Variants in RALGAPA2 observed in about 807,000 individuals in gnomAD.
RALGAPA2 encodes Ral GTPase activating protein catalytic subunit alpha 2.
RALGAPA2 carries 139 observed loss-of-function variants against 230.4 expected under a neutral mutation model. That is an observed-to-expected ratio of 0.60 (90% CI 0.53 to 0.69). RALGAPA2 has a LOEUF of 0.69. RALGAPA2 is among the 30% of genes least tolerant of loss of function. The probability of loss-of-function intolerance (pLI) is 0.00; values close to 1 mark genes in which losing one functional copy is unlikely to be tolerated. For synonymous variants in RALGAPA2, 847 were observed against 837.8 expected (o/e 1.01, Z -0.19); for missense variants, 2,163 against 2,276.0 (o/e 0.95, Z 1.01).
intron 23 of RALGAPA2, among the ~76,000 whole-genome samples, chr20:20,548,872 G>C (rs879509547): frequency 2.6e-4 from 40 of 152,188 alleles, no homozygotes; most frequent in Admixed American, 2.6e-3. Flanking sequence ...CAAGCTATCC[G>C]GCAGCAGATG....
intron 1 of RALGAPA2, among the ~76,000 whole-genome samples, chr20:20,687,259 G>A (rs1167866940): frequency 5.3e-5 from 8 of 152,188 alleles, no homozygotes; most frequent in African/African-American, 1.7e-4. Flanking sequence ...TCAGACACAA[G>A]ACAGAAAATG....
intron 34 of RALGAPA2, among the ~76,000 whole-genome samples, chr20:20,504,331 G>C (rs1225077501): frequency 2.0e-5 from 3 of 152,184 alleles, no homozygotes. Flanking sequence ...ATGTCGTTTT[G>C]ACTCTGATGT....
chr20:20,473,080 C>T (rs2061575408), intron 36 of RALGAPA2, 124 bp from the exon 37 acceptor site: 1 of 1,030,300 alleles, frequency 9.7e-7, no homozygotes, highest in South Asian at 1.8e-5. Context: ...AGAGCAGACG[C>T]TGACCTTAAC....
chr20:20,643,756 A>G (rs2067117270), intron 4 of RALGAPA2, among the ~76,000 whole-genome samples: 1 of 152,254 alleles, frequency 6.6e-6, no homozygotes, highest in African/African-American at 2.4e-5. Flanking sequence ...GAATTCTTTT[A>G]AAACAGTCAA....
At chr20:20,598,647 A>T (rs1210430307) in intron 16 of RALGAPA2, 10 of 436,536 alleles carry the variant, frequency 2.3e-5, no homozygotes, top group Non-Finnish European at 4.2e-5. Context: ...GCCCAGGAAC[A>T]GTGATGGACA....
intron 36 of RALGAPA2, among the ~76,000 whole-genome samples, chr20:20,491,257 G>A (rs777243556): frequency 1.1e-4 from 17 of 151,964 alleles, no homozygotes; most frequent in African/African-American, 4.1e-4. Context: ...CTCCATGCTC[G>A]TATGTACCAG....
intron 20 of RALGAPA2, among the ~76,000 whole-genome samples, chr20:20,581,484 CA>C (rs1175203443): frequency 1.3e-5 from 2 of 152,126 alleles, no homozygotes; most frequent in Non-Finnish European, 2.9e-5. Context: ...CACGTTGAGT[CA>C]AAACATTTTG....
intron 37 of RALGAPA2, among the ~76,000 whole-genome samples, chr20:20,444,369 C>T (rs548421173): frequency 2.1e-4 from 32 of 152,326 alleles, no homozygotes; most frequent in Admixed American, 1.4e-3. Flanking sequence ...GACTCTCCTA[C>T]ACCCTAGCAC....
intron 1 of RALGAPA2, among the ~76,000 whole-genome samples, chr20:20,685,574 G>C (rs562729111): frequency 1.3e-5 from 2 of 152,276 alleles, no homozygotes; most frequent in Admixed American, 1.3e-4. Context: ...CAGAACCCCT[G>C]CTCTGGTCCT....
chr20:20,462,347 T>C (rs1239371573), intron 37 of RALGAPA2, among the ~76,000 whole-genome samples: 1 of 152,202 alleles, frequency 6.6e-6, no homozygotes, highest in Non-Finnish European at 1.5e-5. Context: ...GTTAAAGCCA[T>C]GTGCAAAACA....
At chr20:20,466,919 G>A (rs2061432291) in intron 37 of RALGAPA2, among the ~76,000 whole-genome samples, 2 of 152,192 alleles carry the variant, frequency 1.3e-5, no homozygotes, top group Admixed American at 1.3e-4. Context: ...CTCATCTGTT[G>A]AGATAATCCT....
At chr20:20,633,023 C>T (rs1206827937) in intron 9 of RALGAPA2, among the ~76,000 whole-genome samples, 6 of 150,388 alleles carry the variant, frequency 4.0e-5, no homozygotes, top group Admixed American at 6.6e-5. Flanking sequence ...CTCTCTCTCT[C>T]TCTTTCTTTC....
At chr20:20,435,758 CGA>C (rs1210239110) in intron 37 of RALGAPA2, among the ~76,000 whole-genome samples, 2 of 152,162 alleles carry the variant, frequency 1.3e-5, no homozygotes, top group East Asian at 3.9e-4. Flanking sequence ...GTTCTCTTCA[CGA>C]AGGGAACGAG....
At chr20:20,633,056 CTTTCT>C (rs775152864) in intron 9 of RALGAPA2, among the ~76,000 whole-genome samples, 8 of 148,090 alleles carry the variant, frequency 5.4e-5, no homozygotes, top group South Asian at 2.1e-4. Context: ...TCCTTCCTTT[CTTTCT>C]TTTCTCTTTC....
At chr20:20,639,153 G>A (rs2146495464) in intron 7 of RALGAPA2, among the ~76,000 whole-genome samples, 1 of 152,276 alleles carries the variant, frequency 6.6e-6, no homozygotes, top group Middle Eastern at 3.4e-3. Context: ...ATGAGGATGT[G>A]AACTCAGTAG....
At chr20:20,516,514 A>G (rs534505025) in intron 31 of RALGAPA2, among the ~76,000 whole-genome samples, 1 of 152,204 alleles carries the variant, frequency 6.6e-6, no homozygotes, top group South Asian at 2.1e-4. Flanking sequence ...TGCCTATAAT[A>G]CTCTAGCCAC....
chr20:20,628,300 T>G (rs1485536186), intron 10 of RALGAPA2, among the ~76,000 whole-genome samples: 2 of 152,240 alleles, frequency 1.3e-5, no homozygotes, highest in African/African-American at 4.8e-5. Flanking sequence ...GTCATTCATA[T>G]GTCTAAGACT....
chr20:20,485,137 A>G (rs1000782973), intron 36 of RALGAPA2, among the ~76,000 whole-genome samples: 1 of 151,804 alleles, frequency 6.6e-6, no homozygotes, highest in South Asian at 2.1e-4. Context: ...TCTTTTTCCA[A>G]TGTGGCCCTT....
intron 12 of RALGAPA2, among the ~76,000 whole-genome samples, chr20:20,617,753 T>C (rs1261708979): frequency 3.9e-4 from 60 of 152,206 alleles, no homozygotes; most frequent in Admixed American, 3.9e-3. Flanking sequence ...CTCTTGAACA[T>C]CTGAGACACA....
Sources: allele counts gnomAD v4.1 joint callset (sites outside exome capture counted in the v4.1 genomes callset), GRCh38; gene constraint gnomAD v4.1.1; transcripts MANE v1.5; gene names NCBI Gene and HGNC (gene_info 2026-07-23, HGNC 2026-07-21).